Variants in RNLS observed in about 807,000 individuals in gnomAD.
RNLS encodes the protein renalase.
RNLS carries 39 observed loss-of-function variants against 39.8 expected under a neutral mutation model. That is an observed-to-expected ratio of 0.98 (90% CI 0.76 to 1.28). The LOEUF is 1.28. RNLS is among the 50% of genes most tolerant of loss of function. The pLI, the probability that RNLS is intolerant of heterozygous loss-of-function variation, is 0.00. For missense variants in RNLS, 410 were observed against 413.3 expected (o/e 0.99, Z 0.07); for synonymous variants, 147 against 150.7 (o/e 0.98, Z 0.18).
intron 4 of RNLS, among the ~76,000 whole-genome samples, chr10:88,489,670 C>T (rs769305796): frequency 3.3e-5 from 5 of 152,204 alleles, no homozygotes; most frequent in Non-Finnish European, 5.9e-5. Context: ...GAGAGGGCCA[C>T]ATCAATGCAT....
intron 4 of RNLS, among the ~76,000 whole-genome samples, chr10:88,479,743 A>C (rs34428256): frequency 2.0e-5 from 3 of 150,450 alleles, no homozygotes; most frequent in Non-Finnish European, 4.4e-5. Context: ...TTTTCCATTC[A>C]TGACTTTTTC....
the RNLS span, among the ~76,000 whole-genome samples, chr10:88,240,452 TTAAA>T: frequency 6.6e-6 from 1 of 152,200 alleles, no homozygotes; most frequent in African/African-American, 2.4e-5. Flanking sequence ...CTAAATTCTC[TTAAA>T]TAGTCATTTC....
chr10:88,214,497 TCA>T, the RNLS span, among the ~76,000 whole-genome samples: 1 of 22,696 alleles, frequency 4.4e-5, no homozygotes, highest in South Asian at 2.0e-3. Context: ...AGACTCCGTC[TCA>T]AAAAAAAAAA....
rs1361139400 is a variant in RNLS at position 88,583,119 on chromosome 10, C to T, written c.72G>A (p.Thr24=). 5 of 1,614,140 alleles carry T rather than the reference C, an allele frequency of 3.1e-6. No individual in the cohort carries two copies. The highest frequency in any genetic ancestry group is 4.5e-5 in the East Asian group (2 of 44,876). Reference sequence around the variant, plus strand: ...ACACAGCAAGGTACAAGGGACCGGACGTCTGCCTCCTCAGCAGCGCAGCGC... The same window carrying T: ...ACACAGCAAGGTACAAGGGACCGGATGTCTGCCTCCTCAGCAGCGCAGCGC... The part of the protein sequence containing the change: ...SLCAALLRRQ[T]SGPLYLAVWD... Residue 24 remains threonine, a synonymous_variant, in exon 1 of 7, where the codon ACG becomes ACA. Transcript: ENST00000331772.
At chr10:88,394,749 G>A (rs1319330941) in intron 4 of RNLS, among the ~76,000 whole-genome samples, 1 of 152,198 alleles carries the variant, frequency 6.6e-6, no homozygotes, top group East Asian at 1.9e-4. Flanking sequence ...GCACACGTAT[G>A]TTTATAGCGG....
At chr10:88,366,625 G>T (rs979815634) in intron 4 of RNLS, among the ~76,000 whole-genome samples, 2 of 125,652 alleles carry the variant, frequency 1.6e-5, no homozygotes, top group African/African-American at 3.1e-5. Flanking sequence ...TACTTGCAAG[G>T]TCTGACCTGA....
At chr10:88,582,967 G>A in intron 1 of RNLS, 106 bp downstream of exon 1, 2 of 1,303,664 alleles carry the variant, frequency 1.5e-6, no homozygotes, top group East Asian at 2.6e-5. Flanking sequence ...AGGGAGCTGA[G>A]GGTATAGCGT....
chr10:88,309,348 C>T, intron 6 of RNLS: 1 of 1,163,090 alleles, frequency 8.6e-7, no homozygotes, highest in Non-Finnish European at 1.1e-6. Context: ...TCAATCACCA[C>T]CTGACTTTTC....
intron 4 of RNLS, among the ~76,000 whole-genome samples, chr10:88,445,459 A>C (rs186653361): frequency 6.6e-6 from 1 of 152,366 alleles, no homozygotes; most frequent in East Asian, 1.9e-4. Context: ...AAATTCACAC[A>C]TAACAATATT....
chr10:88,459,101 T>C (rs1352238456), intron 4 of RNLS, among the ~76,000 whole-genome samples: 1 of 103,100 alleles, frequency 9.7e-6, no homozygotes, highest in Admixed American at 8.8e-5. Context: ...TTTTTCTTTT[T>C]TCTTTTTTTT....
In RNLS at chr10:88,377,829, T is replaced by A. The variant is rs537299914; in HGVS notation, c.527-15104A>T. 4.7e-4 allele frequency among the ~76,000 whole-genome samples: 71 copies of A among 152,302 alleles called. 1 individual carries two copies. In the South Asian group the frequency reaches 0.014, roughly 30 times the overall value. ...TAACAAATTTTCTTCAATAATAAAT[T>A]AATCTTAGCTTCCTTAACATTTGTA... On this transcript the variant is annotated intron_variant, in intron 4 of 6. Coordinates refer to ENST00000331772, the MANE Select transcript of RNLS (RefSeq NM_001031709.3).
chr10:88,377,600 G>A (rs1314637081), intron 4 of RNLS, among the ~76,000 whole-genome samples: 2 of 152,124 alleles, frequency 1.3e-5, no homozygotes, highest in Non-Finnish European at 2.9e-5. Flanking sequence ...TCTACACATA[G>A]AAAAGGTACA....
At chr10:88,173,157 C>T in the RNLS span, among the ~76,000 whole-genome samples, 5 of 151,926 alleles carry the variant, frequency 3.3e-5, no homozygotes, top group African/African-American at 7.2e-5. Context: ...CGCGCCCGGC[C>T]GAGTGGATTT....
intron 5 of RNLS, among the ~76,000 whole-genome samples, chr10:88,323,720 A>G (rs1429094806): frequency 6.6e-6 from 1 of 152,208 alleles, no homozygotes; most frequent in Admixed American, 6.6e-5. Flanking sequence ...TAAGACCTCA[A>G]GAGCAAATGT....
At chr10:88,340,470 A>G (rs1031428691) in intron 5 of RNLS, among the ~76,000 whole-genome samples, 2 of 151,478 alleles carry the variant, frequency 1.3e-5, no homozygotes, top group Non-Finnish European at 3.0e-5. Flanking sequence ...TATAGTCTCA[A>G]AGTTTACAAG....
chr10:88,295,637 A>G (rs77600089), intron 6 of RNLS, among the ~76,000 whole-genome samples: 3 of 152,276 alleles, frequency 2.0e-5, no homozygotes, highest in African/African-American at 2.4e-5. Flanking sequence ...GTGTGAAGAA[A>G]GCAATGTGGT....
At chr10:88,566,305 T>G (rs917426428) in intron 4 of RNLS, among the ~76,000 whole-genome samples, 1 of 152,060 alleles carries the variant, frequency 6.6e-6, no homozygotes, top group Non-Finnish European at 1.5e-5. Context: ...CATGGGTATA[T>G]ATTTACAAAA....
chr10:88,346,842 C>T (rs1295862343), intron 5 of RNLS, among the ~76,000 whole-genome samples: 1 of 152,130 alleles, frequency 6.6e-6, no homozygotes, highest in Non-Finnish European at 1.5e-5. Context: ...TGTATTCCCA[C>T]TAATGGAGAA....
the RNLS span, among the ~76,000 whole-genome samples, chr10:88,211,578 G>A: frequency 6.6e-6 from 1 of 152,202 alleles, no homozygotes; most frequent in African/African-American, 2.4e-5. Flanking sequence ...GAGTCAGCCA[G>A]GTGAAAGACA....
Sources: allele counts gnomAD v4.1 joint callset (sites outside exome capture counted in the v4.1 genomes callset), GRCh38; gene constraint gnomAD v4.1.1; transcripts MANE v1.5; gene names NCBI Gene and HGNC (gene_info 2026-07-23, HGNC 2026-07-21).